Variants in OSBPL10 observed in about 807,000 individuals in gnomAD.
OSBPL10 encodes oxysterol-binding protein-related protein 10.
Under a neutral mutation model 81.7 loss-of-function variants are expected in OSBPL10, and 49 were observed. That is an observed-to-expected ratio of 0.60 (90% CI 0.48 to 0.76). The LOEUF (loss-of-function observed/expected upper bound fraction) is 0.76. Ranked by LOEUF, OSBPL10 falls within the 30% of genes least tolerant of loss-of-function variation. The pLI, the probability that OSBPL10 is intolerant of heterozygous loss-of-function variation, is 0.00. For missense variants in OSBPL10, 923 were observed against 987.8 expected, an observed-to-expected ratio of 0.93 and a Z score of 0.88; for synonymous variants, 419 against 383.6, an observed-to-expected ratio of 1.09 and a Z score of -1.08.
chr3:31,904,288 C>G (rs987951666), intron 1 of OSBPL10, among the ~76,000 whole-genome samples: 2 of 152,178 alleles, frequency 1.3e-5, no homozygotes, highest in Non-Finnish European at 2.9e-5. Flanking sequence ...GGCATCAAAG[C>G]CACCCAGTTG....
intron 2 of OSBPL10, chr3:31,990,590 A>T: frequency 6.2e-7 from 1 of 1,614,126 alleles, no homozygotes; most frequent in Non-Finnish European, 8.5e-7. Context: ...AAGGCAATTC[A>T]TACTGGAGAG....
At chr3:31,868,403 G>A (rs949222395) in intron 3 of OSBPL10, among the ~76,000 whole-genome samples, 4 of 152,010 alleles carry the variant, frequency 2.6e-5, no homozygotes, top group Admixed American at 6.6e-5. Context: ...GGCAATCCCC[G>A]AGCTCCATCG....
chr3:31,708,776 T>C, intron 6 of OSBPL10: 1 of 985,432 alleles, frequency 1.0e-6, no homozygotes, highest in Non-Finnish European at 1.2e-6. Flanking sequence ...TTGGTGGCTG[T>C]GTCTAATTCT....
chr3:31,749,866 T>C (rs1697657324), intron 4 of OSBPL10, among the ~76,000 whole-genome samples: 1 of 151,704 alleles, frequency 6.6e-6, no homozygotes, highest in African/African-American at 2.4e-5. Flanking sequence ...TGAGAAATCT[T>C]CCCAAACCAC....
At chr3:31,866,554 C>T (rs1478722303) in intron 3 of OSBPL10, among the ~76,000 whole-genome samples, 3 of 152,152 alleles carry the variant, frequency 2.0e-5, no homozygotes, top group African/African-American at 7.2e-5. Context: ...TCTCACTGTC[C>T]AATGCTCTAA....
intron 2 of OSBPL10, among the ~76,000 whole-genome samples, chr3:32,022,095 GGT>G (rs1183283765): frequency 1.3e-5 from 2 of 152,096 alleles, no homozygotes; most frequent in Non-Finnish European, 2.9e-5. Flanking sequence ...TTTTGTTAGT[GGT>G]GTTTTTTGAA....
At chr3:31,865,745 ATAAAAGAGGTAT>A (rs1448606238) in intron 3 of OSBPL10, among the ~76,000 whole-genome samples, 1 of 152,250 alleles carries the variant, frequency 6.6e-6, no homozygotes, top group African/African-American at 2.4e-5. Flanking sequence ...GCTTAATCAT[ATAAAAGAGGTAT>A]TCAGTGTCAT....
chr3:31,739,825 C>T (rs1697286401), intron 5 of OSBPL10, among the ~76,000 whole-genome samples: 1 of 152,238 alleles, frequency 6.6e-6, no homozygotes, highest in Non-Finnish European at 1.5e-5. Context: ...AAGACACTGT[C>T]TTTATGTAAA....
At chr3:31,751,540 GAGTGC>G (rs1697722283) in intron 4 of OSBPL10, among the ~76,000 whole-genome samples, 1 of 152,200 alleles carries the variant, frequency 6.6e-6, no homozygotes. Context: ...TAGAGCCCAG[GAGTGC>G]TAAATGTCTC....
intron 2 of OSBPL10, among the ~76,000 whole-genome samples, chr3:32,010,629 G>A (rs769452276): frequency 1.3e-4 from 20 of 152,190 alleles, no homozygotes; most frequent in Non-Finnish European, 2.1e-4. Flanking sequence ...AGCATGAGCC[G>A]AAGCAGGGCG....
At chr3:31,827,567 C>G (rs1700131886) in intron 4 of OSBPL10, among the ~76,000 whole-genome samples, 1 of 151,590 alleles carries the variant, frequency 6.6e-6, no homozygotes, top group Admixed American at 6.6e-5. Flanking sequence ...ATCCGGGAGG[C>G]AGAGCTTGCA....
At chr3:31,680,720 G>A (rs936386677) in intron 8 of OSBPL10, among the ~76,000 whole-genome samples, 2 of 152,298 alleles carry the variant, frequency 1.3e-5, no homozygotes, top group African/African-American at 4.8e-5. Context: ...CTCACTTCCT[G>A]TGCCCCTCTA....
At chr3:31,970,553 TAC>T (rs1245829909) in intron 1 of OSBPL10, among the ~76,000 whole-genome samples, 2 of 152,184 alleles carry the variant, frequency 1.3e-5, no homozygotes, top group East Asian at 1.9e-4. Context: ...GGGATGAAAA[TAC>T]AGTTTTATTT....
In OSBPL10 at chr3:31,959,410, C is replaced by G. The variant is rs934926954; in HGVS notation, c.281+21489G>C. On this transcript the variant is annotated intron_variant, in intron 1 of 11. Transcript: ENST00000396556. ...ACTACTGTTAAACCCAGTCTTTTTGCTATATATCAGAGGAAATTAGCATGA... is the reference window on the plus strand; with the variant it reads ...ACTACTGTTAAACCCAGTCTTTTTGGTATATATCAGAGGAAATTAGCATGA... 2.0e-5 allele frequency among the ~76,000 whole-genome samples: 3 copies of G among 152,128 alleles called. No individual in the cohort carries two copies. In the East Asian group the frequency reaches 5.8e-4, roughly 29 times the overall value.
chr3:31,874,669 T>C (rs932482550), intron 3 of OSBPL10, among the ~76,000 whole-genome samples: 2 of 152,146 alleles, frequency 1.3e-5, no homozygotes, highest in African/African-American at 4.8e-5. Context: ...AGGTATCCAA[T>C]TTTGATCTGT....
At chr3:32,024,030 A>G (rs1428168706) in intron 2 of OSBPL10, among the ~76,000 whole-genome samples, 1 of 152,148 alleles carries the variant, frequency 6.6e-6, no homozygotes, top group Non-Finnish European at 1.5e-5. Context: ...AGAAATTGAA[A>G]CCACAGAAAA....
intron 4 of OSBPL10, among the ~76,000 whole-genome samples, chr3:31,799,717 T>A (rs1037127017): frequency 7.2e-5 from 11 of 152,202 alleles, no homozygotes; most frequent in Non-Finnish European, 1.3e-4. Flanking sequence ...ACAAAAATCG[T>A]AAGCAGCAGT....
At chr3:31,892,551 G>T (rs189162144) in intron 1 of OSBPL10, among the ~76,000 whole-genome samples, 1 of 152,132 alleles carries the variant, frequency 6.6e-6, no homozygotes, top group South Asian at 2.1e-4. Flanking sequence ...TATAAAACTG[G>T]ACAAAACTGT....
chr3:31,855,004 G>T (rs978898957), intron 3 of OSBPL10, among the ~76,000 whole-genome samples: 2 of 150,272 alleles, frequency 1.3e-5, no homozygotes, highest in African/African-American at 4.9e-5. Context: ...GGTTGTCATG[G>T]TTTTGTTTTG....
Sources: gnomAD v4.1 joint callset for allele counts (sites outside exome capture counted in the v4.1 genomes callset) on GRCh38, gnomAD v4.1.1 for gene constraint, MANE v1.5 for transcripts, NCBI Gene and HGNC (gene_info 2026-07-23, HGNC 2026-07-21) for gene names.